The following DPP8 variants were observed in gnomAD, a reference collection of about 807,000 sequenced individuals.
DPP8 encodes dipeptidyl peptidase 8, also known as DPP VIII.
Under a neutral mutation model 107.5 loss-of-function variants are expected in DPP8, and 31 were observed. The ratio of observed to expected loss-of-function variants is 0.29; its 90% CI spans 0.22 to 0.39. The LOEUF (loss-of-function observed/expected upper bound fraction) is 0.39. Among genes scored for constraint, DPP8 ranks in the 10% least tolerant of loss-of-function variants. The pLI, the probability that DPP8 is intolerant of heterozygous loss-of-function variation, is 1.00. For missense variants in DPP8, 842 were observed against 1,076.1 expected (o/e 0.78, Z 3.04); for synonymous variants, 381 against 356.6 (o/e 1.07, Z -0.77).
intron 3 of DPP8, among the ~76,000 whole-genome samples, chr15:65,506,403 T>C (rs2069995277): frequency 6.6e-6 from 1 of 152,092 alleles, no homozygotes; most frequent in South Asian, 2.1e-4. Context: ...AAGCAAACGA[T>C]TGTACCGAAA....
Position 65,481,505 on chromosome 15 carries a change from A to C in DPP8, c.1118+10T>G. Reference sequence around the variant, plus strand: ...TTAGTTATAAAGAAGTAACAATTTAACATACGCACTATTTTCCCTCAGGAG... The same window carrying C: ...TTAGTTATAAAGAAGTAACAATTTACCATACGCACTATTTTCCCTCAGGAG... On this transcript the variant is annotated intron_variant, in intron 9 of 19. Coordinates refer to ENST00000300141, the MANE Select transcript of DPP8 (RefSeq NM_130434.5). 6.7e-7 allele frequency: 1 copy of C among 1,502,800 alleles called. No individual in the cohort carries two copies. The highest frequency in any genetic ancestry group is 9.1e-7 in the Non-Finnish European group (1 of 1,098,176). The allele number at this position is 1,502,800 out of a possible 1,614,324, so 93.1% of individuals were successfully genotyped here.
In DPP8 at chr15:65,444,594, T is replaced by A. The variant is rs780678523; in HGVS notation, c.*2290A>T. 2.0e-5 allele frequency: 3 copies of A among 152,158 alleles called. No individual in the cohort carries two copies. The highest frequency in any genetic ancestry group is 4.4e-5 in the Non-Finnish European group (3 of 68,042). The allele number at this position is 152,158 out of a possible 1,614,324, so 9.4% of individuals were successfully genotyped here. On this transcript the variant is annotated 3_prime_UTR_variant, in exon 20 of 20. Transcript: ENST00000300141. ...TTCTGTAAGAGAATTCATTCAGGTA[T>A]TTTTTCCTGCTAAAGAAGCAGAATG...
At chr15:65,503,185 G>A (rs1490660443) in intron 3 of DPP8, among the ~76,000 whole-genome samples, 1 of 152,218 alleles carries the variant, frequency 6.6e-6, no homozygotes, top group Non-Finnish European at 1.5e-5. Flanking sequence ...TCGGCTCACC[G>A]CAACCTCTGC....
chr15:65,515,928 CATT>C (rs2141159844), intron 1 of DPP8: 1 of 493,912 alleles, frequency 2.0e-6, no homozygotes, highest in East Asian at 3.2e-5. Context: ...ATAATGCCTA[CATT>C]ATTTTGTATC....
intron 11 of DPP8, 125 bp from the exon 12 acceptor site, chr15:65,474,413 G>C: frequency 1.5e-6 from 1 of 663,822 alleles, no homozygotes; most frequent in Non-Finnish European, 2.6e-6. Context: ...AAATGTTTTG[G>C]AACTAGACAG....
At chr15:65,456,195 G>A (rs757941373) in intron 16 of DPP8, 30 bp downstream of exon 16, 2 of 1,597,510 alleles carry the variant, frequency 1.3e-6, no homozygotes, top group Admixed American at 1.8e-5. Context: ...GTAAATGTCT[G>A]TAAAAGAAAA....
At chr15:65,510,438 T>C (rs963474376) in intron 2 of DPP8, among the ~76,000 whole-genome samples, 4 of 151,746 alleles carry the variant, frequency 2.6e-5, no homozygotes, top group Non-Finnish European at 5.9e-5. Context: ...TCTTCAGGGG[T>C]TGGGTGGAAA....
At chr15:65,477,159 G>A (rs962319189) in intron 11 of DPP8, among the ~76,000 whole-genome samples, 3 of 152,148 alleles carry the variant, frequency 2.0e-5, no homozygotes, top group East Asian at 1.9e-4. Flanking sequence ...GATGGCTCAC[G>A]CTTGTAATCC....
intron 14 of DPP8, among the ~76,000 whole-genome samples, chr15:65,465,167 CTTTTT>C (rs199937501): frequency 1.6e-5 from 2 of 127,740 alleles, no homozygotes; most frequent in African/African-American, 3.0e-5. Flanking sequence ...TTTGTTTTTT[CTTTTT>C]TTTTTTTTTT....
intron 1 of DPP8, among the ~76,000 whole-genome samples, chr15:65,515,061 C>A (rs1399325146): frequency 6.6e-6 from 1 of 152,126 alleles, no homozygotes; most frequent in Non-Finnish European, 1.5e-5. Flanking sequence ...GTGGTACAGC[C>A]TTGAACTCCT....
intron 19 of DPP8, among the ~76,000 whole-genome samples, chr15:65,447,918 T>A (rs531930985): frequency 1.2e-3 from 183 of 152,318 alleles, no homozygotes; most frequent in African/African-American, 3.9e-3. Flanking sequence ...TATGTGATTT[T>A]AAAAATATTG....
chr15:65,470,494 T>C (rs909261052), intron 12 of DPP8, among the ~76,000 whole-genome samples: 5 of 150,028 alleles, frequency 3.3e-5, no homozygotes, highest in Non-Finnish European at 7.4e-5. Context: ...TAATCCCAGC[T>C]AGTCAGGGGG....
rs2063434672 is a variant in DPP8, at chr15:65,444,903, A to AACAAT, written c.*1980_*1981insATTGT. Reference sequence around the variant, plus strand: ...GTCCAAACAAAACAAAACAAAACAAAACAAAACACCCTCCACAGTCAGATA... The same window carrying AACAAT: ...GTCCAAACAAAACAAAACAAAACAAAACAATACAAAACACCCTCCACAGTCAGATA... On this transcript the variant is annotated 3_prime_UTR_variant, in exon 20 of 20. Transcript: ENST00000300141. The AACAAT allele has an allele frequency of 6.6e-6, 1 of 152,218 alleles. No homozygotes were observed. Among genetic ancestry groups the AACAAT allele is most frequent in the African/African-American group, 2.4e-5 (1 of 41,440 alleles). The allele number at this position is 152,218 out of a possible 1,614,324, so 9.4% of individuals were successfully genotyped here. A position where few individuals can be genotyped will look rare whatever the true frequency, so the allele number is the denominator to read the frequency against.
intron 15 of DPP8, among the ~76,000 whole-genome samples, chr15:65,459,916 C>G (rs1477207114): frequency 6.6e-6 from 1 of 151,982 alleles, no homozygotes; most frequent in Non-Finnish European, 1.5e-5. Context: ...GATCGTGCCA[C>G]TGCGCCCCAG....
At chr15:65,482,087 C>T (rs1003844140) in intron 8 of DPP8, among the ~76,000 whole-genome samples, 11 of 152,162 alleles carry the variant, frequency 7.2e-5, no homozygotes, top group Admixed American at 2.0e-4. Context: ...AGCTGGAATG[C>T]AGTGGCTTGA....
chr15:65,450,184 T>A (rs28662790), intron 19 of DPP8, among the ~76,000 whole-genome samples: 33,659 of 151,966 alleles, frequency 0.22, 4,698 homozygotes, highest in East Asian at 0.73. Context: ...GTCAGGCTGG[T>A]CTCGAACTCC....
At chr15:65,495,716 T>G (rs986664487) in intron 5 of DPP8, among the ~76,000 whole-genome samples, 1 of 151,886 alleles carries the variant, frequency 6.6e-6, no homozygotes, top group African/African-American at 2.4e-5. Flanking sequence ...CTGGCCAACA[T>G]GGTGAAACCC....
chr15:65,485,568 A>T (rs1457361028), intron 7 of DPP8, among the ~76,000 whole-genome samples: 6 of 151,316 alleles, frequency 4.0e-5, no homozygotes, highest in Non-Finnish European at 8.8e-5. Context: ...AAAAAAAGAA[A>T]AGAAAGAAAG....
At chr15:65,459,605 C>T (rs1369212369) in intron 15 of DPP8, 1 of 152,272 alleles carries the variant, frequency 6.6e-6, no homozygotes, top group East Asian at 1.9e-4. Context: ...TCAAATATGA[C>T]TGTTCGGTAA....
Sources: gnomAD v4.1 joint callset for allele counts (sites outside exome capture counted in the v4.1 genomes callset) on GRCh38, gnomAD v4.1.1 for gene constraint, MANE v1.5 for transcripts, NCBI Gene and HGNC (gene_info 2026-07-23, HGNC 2026-07-21) for gene names.